The following MYO3B variants were observed in gnomAD, a reference collection of about 807,000 sequenced individuals.
MYO3B encodes the protein myosin-IIIb.
In MYO3B, 156 loss-of-function variants were observed where a neutral mutation model predicts 174.6. That is an observed-to-expected ratio of 0.89 (90% CI 0.78 to 1.02). The LOEUF (loss-of-function observed/expected upper bound fraction) is 1.02. Among genes scored for constraint, MYO3B ranks in the 50% least tolerant of loss-of-function variants. MYO3B has a pLI of 0.00. For missense variants in MYO3B, 1,632 were observed against 1,639.4 expected, an observed-to-expected ratio of 1.00 and a Z score of 0.08; for synonymous variants, 563 against 569.1, an observed-to-expected ratio of 0.99 and a Z score of 0.15.
At chr2:170,251,565 G>A (rs2093253868) in intron 7 of MYO3B, among the ~76,000 whole-genome samples, 2 of 152,122 alleles carry the variant, frequency 1.3e-5, no homozygotes, top group African/African-American at 4.8e-5. Flanking sequence ...TTTATGGAAA[G>A]GAGTTAATTT....
chr2:170,466,418 C>T (rs1411114425), intron 24 of MYO3B, 88 bp from the exon 25 acceptor site: 3 of 1,229,328 alleles, frequency 2.4e-6, no homozygotes, highest in Admixed American at 1.9e-5. Flanking sequence ...GAGCCTCGAA[C>T]TGCTCCAGAG....
intron 1 of MYO3B, among the ~76,000 whole-genome samples, chr2:170,188,651 A>C (rs2092500478): frequency 6.6e-6 from 1 of 152,046 alleles, no homozygotes; most frequent in Admixed American, 6.6e-5. Flanking sequence ...TGCAGTTACC[A>C]TGAGGCTTGC....
intron 25 of MYO3B, among the ~76,000 whole-genome samples, chr2:170,484,968 G>C (rs1685938995): frequency 6.6e-6 from 1 of 152,042 alleles, no homozygotes; most frequent in South Asian, 2.1e-4. Flanking sequence ...TATTTATATG[G>C]ATTGAATTGT....
intron 23 of MYO3B, among the ~76,000 whole-genome samples, chr2:170,451,787 T>C (rs1683607026): frequency 6.6e-6 from 1 of 152,136 alleles, no homozygotes; most frequent in Admixed American, 6.5e-5. Flanking sequence ...CTTGGAGGAA[T>C]AGGGTGAGGA....
intron 32 of MYO3B, among the ~76,000 whole-genome samples, chr2:170,614,317 C>T (rs772968738): frequency 2.0e-5 from 3 of 152,190 alleles, no homozygotes; most frequent in Non-Finnish European, 4.4e-5. Context: ...CCACCTGACA[C>T]AAAGCACACT....
chr2:170,234,507 A>T (rs2093049981), intron 6 of MYO3B, among the ~76,000 whole-genome samples: 1 of 152,174 alleles, frequency 6.6e-6, no homozygotes, highest in Non-Finnish European at 1.5e-5. Flanking sequence ...TGCACTGGGG[A>T]TTAAATTTCT....
intron 25 of MYO3B, among the ~76,000 whole-genome samples, chr2:170,486,127 A>G (rs6730742): frequency 0.23 from 34,676 of 151,996 alleles, 4,560 homozygotes; most frequent in East Asian, 0.44. Flanking sequence ...TGGGGAGACT[A>G]TCCTGTGGAA....
At chr2:170,246,326 A>C (rs974558665) in intron 7 of MYO3B, among the ~76,000 whole-genome samples, 1 of 152,240 alleles carries the variant, frequency 6.6e-6, no homozygotes, top group African/African-American at 2.4e-5. Context: ...TTCTAGCAGA[A>C]TAGCCAGTGG....
chr2:170,604,838 T>C (rs1251551814), intron 32 of MYO3B, among the ~76,000 whole-genome samples: 1 of 152,188 alleles, frequency 6.6e-6, no homozygotes, highest in Admixed American at 6.5e-5. Flanking sequence ...AGTTAGCTAG[T>C]TCTCAAGTCT....
intron 22 of MYO3B, among the ~76,000 whole-genome samples, chr2:170,443,212 T>C (rs1574986723): frequency 6.6e-6 from 1 of 152,190 alleles, no homozygotes; most frequent in Admixed American, 6.5e-5. Context: ...TGGTATCTCA[T>C]TGTGGTTTTG....
intron 32 of MYO3B, among the ~76,000 whole-genome samples, chr2:170,593,095 T>A (rs1364009233): frequency 6.6e-6 from 1 of 152,010 alleles, no homozygotes; most frequent in East Asian, 1.9e-4. Context: ...GGAGATAGAT[T>A]TCTAGAAAGA....
intron 1 of MYO3B, among the ~76,000 whole-genome samples, chr2:170,186,075 AAC>A (rs2092458962): frequency 1.3e-5 from 2 of 152,194 alleles, no homozygotes; most frequent in Non-Finnish European, 1.5e-5. Flanking sequence ...ACCATCTACA[AAC>A]AAGGCTAATT....
At chr2:170,456,029 T>C (rs1203830741) in intron 23 of MYO3B, among the ~76,000 whole-genome samples, 1 of 152,022 alleles carries the variant, frequency 6.6e-6, no homozygotes, top group Non-Finnish European at 1.5e-5. Flanking sequence ...CAGATTAATA[T>C]GAGAAAATGC....
intron 32 of MYO3B, among the ~76,000 whole-genome samples, chr2:170,619,544 G>A (rs1007889486): frequency 2.6e-5 from 4 of 151,930 alleles, no homozygotes; most frequent in African/African-American, 9.7e-5. Flanking sequence ...TCAGTTTGGG[G>A]ACGAGGGTTG....
chr2:170,449,733 C>T (rs573721479), intron 23 of MYO3B, among the ~76,000 whole-genome samples: 17 of 151,474 alleles, frequency 1.1e-4, no homozygotes, highest in African/African-American at 1.9e-4. Flanking sequence ...GCTGAGATCG[C>T]GCCGTTGCAC....
intron 32 of MYO3B, among the ~76,000 whole-genome samples, chr2:170,645,651 T>A (rs1698309753): frequency 6.6e-6 from 1 of 152,150 alleles, no homozygotes; most frequent in African/African-American, 2.4e-5. Context: ...CTTACAAATT[T>A]AGCCTTTTCT....
intron 5 of MYO3B, among the ~76,000 whole-genome samples, chr2:170,216,100 G>A (rs1280003784): frequency 1.3e-5 from 2 of 150,234 alleles, no homozygotes; most frequent in African/African-American, 4.9e-5. Flanking sequence ...AGAGCTTCTT[G>A]GCTCTCTAAT....
intron 32 of MYO3B, among the ~76,000 whole-genome samples, chr2:170,618,218 T>A (rs1440288214): frequency 1.3e-5 from 2 of 152,142 alleles, no homozygotes; most frequent in Non-Finnish European, 2.9e-5. Context: ...AATACTATCA[T>A]TAACATAGAC....
intron 7 of MYO3B, among the ~76,000 whole-genome samples, chr2:170,281,897 C>T (rs1243292461): frequency 1.3e-5 from 2 of 152,040 alleles, no homozygotes; most frequent in Admixed American, 6.5e-5. Flanking sequence ...ACCACTGACC[C>T]CACAGAAATA....
Sources: gnomAD v4.1 joint callset for allele counts (sites outside exome capture counted in the v4.1 genomes callset) on GRCh38, gnomAD v4.1.1 for gene constraint, MANE v1.5 for transcripts, NCBI Gene and HGNC (gene_info 2026-07-23, HGNC 2026-07-21) for gene names.